Variants in VPS35L observed in about 807,000 individuals in gnomAD.
VPS35L encodes the protein VPS35 endosomal protein sorting factor like.
In VPS35L, 83 loss-of-function variants were observed where a neutral mutation model predicts 133.0. The observed-to-expected ratio is 0.62, with a 90% CI of 0.52 to 0.75. VPS35L has a LOEUF of 0.75. Ranked by LOEUF, VPS35L falls within the 30% of genes least tolerant of loss-of-function variation. The pLI is 0.00. For synonymous variants in VPS35L, 423 were observed against 449.9 expected (o/e 0.94, Z 0.76); for missense variants, 1,083 against 1,206.8 (o/e 0.90, Z 1.52).
chr16:19,618,772 A>G (rs527384100), intron 14 of VPS35L, among the ~76,000 whole-genome samples: 26 of 152,288 alleles, frequency 1.7e-4, no homozygotes, highest in African/African-American at 6.0e-4. Context: ...AAGTCACTGT[A>G]TCTACGGTGC....
chr16:19,581,576 A>G lies in VPS35L; in HGVS notation c.562A>G (p.Ile188Val), dbSNP rs1971709553. The G allele has an allele frequency of 6.2e-7, 1 of 1,614,112 alleles. No individual in the cohort carries two copies. Among genetic ancestry groups the G allele is most frequent in the Non-Finnish European group, 8.5e-7 (1 of 1,179,986 alleles). ...NLTQQDYVNR[I>V]EELNQSLKDA... ...GACTCAGCAGGATTACGTGAACCGC[A>G]TAGAGGAGCTCAACCAATCGCTGAA... The change falls in exon 7 of 31, where the codon ATA (isoleucine) becomes GTA (valine). Residue 188 changes from isoleucine to valine, a missense_variant. Transcript: ENST00000417362.
rs377567357 is a variant in VPS35L, at chr16:19,683,982, A to T, written c.2527+1592A>T. Reference sequence around the variant, plus strand: ...TTTGGATCAGTGTGCTACACAATAAACTGGAACAATGGCTAAATATACACA... The same window carrying T: ...TTTGGATCAGTGTGCTACACAATAATCTGGAACAATGGCTAAATATACACA... On this transcript the variant is annotated intron_variant, in intron 28 of 30. Coordinates refer to ENST00000417362, the MANE Select transcript of VPS35L (RefSeq NM_020314.7). 6.1e-4 allele frequency among the ~76,000 whole-genome samples: 93 copies of T among 152,292 alleles called. 3 individuals carry two copies. The South Asian group carries it at 0.019, about 31-fold the overall frequency.
chr16:19,613,672 G>A (rs181276721), intron 12 of VPS35L, among the ~76,000 whole-genome samples: 1 of 152,230 alleles, frequency 6.6e-6, no homozygotes, highest in East Asian at 1.9e-4. Flanking sequence ...GGATTACCTC[G>A]GGTTGTTTGT....
At chr16:19,556,428 C>T (rs1298408778) in intron 1 of VPS35L, among the ~76,000 whole-genome samples, 1 of 152,118 alleles carries the variant, frequency 6.6e-6, no homozygotes, top group East Asian at 1.9e-4. Flanking sequence ...TGGCGTGTGC[C>T]TGGTTGGCAG....
intron 1 of VPS35L, among the ~76,000 whole-genome samples, chr16:19,560,606 G>A (rs1433604676): frequency 6.6e-6 from 1 of 151,982 alleles, no homozygotes; most frequent in African/African-American, 2.4e-5. Context: ...GACCAGCCTG[G>A]CCAAAATGGT....
chr16:19,647,378 T>C (rs776577763), intron 23 of VPS35L, among the ~76,000 whole-genome samples: 1 of 152,122 alleles, frequency 6.6e-6, no homozygotes, highest in Non-Finnish European at 1.5e-5. Context: ...TTTGAAGAAA[T>C]AGGAGAAGAG....
chr16:19,578,598 G>C (rs1309047565), intron 5 of VPS35L: 1 of 336,496 alleles, frequency 3.0e-6, no homozygotes, highest in Non-Finnish European at 5.8e-6. Flanking sequence ...TCGAAGAGAG[G>C]GCTTTGAAGC....
intron 14 of VPS35L, 65 bp downstream of exon 14, chr16:19,616,873 G>C: frequency 6.2e-7 from 1 of 1,604,984 alleles, no homozygotes; most frequent in Non-Finnish European, 8.5e-7. Flanking sequence ...TGCCCACTGT[G>C]CCCTTTAACG....
intron 8 of VPS35L, among the ~76,000 whole-genome samples, chr16:19,601,305 G>A (rs1972374998): frequency 6.6e-6 from 1 of 152,132 alleles, no homozygotes; most frequent in South Asian, 2.1e-4. Context: ...GTTGTGGAGT[G>A]GCCATGCACA....
chr16:19,697,845 A>G (rs2151632385), intron 29 of VPS35L, among the ~76,000 whole-genome samples: 1 of 152,344 alleles, frequency 6.6e-6, no homozygotes, highest in East Asian at 1.9e-4. Context: ...GAGTACGAGC[A>G]CAGGCTCTGG....
chr16:19,669,004 C>T lies in VPS35L; in HGVS notation c.2222-156C>T, dbSNP rs879082402. 5.9e-5 allele frequency among the ~76,000 whole-genome samples: 9 copies of T among 152,240 alleles called. No individual in the cohort carries two copies. The Middle Eastern group carries it at 9.5e-3, about 161-fold the overall frequency. On this transcript the variant is annotated intron_variant, in intron 26 of 30. Transcript: ENST00000417362. The stretch of plus-strand genomic sequence containing the variant: ...CTGTCAAGCAAATATTCCTCCAGCT[C>T]CATCATGGTTTGCAGAAACCTTCTG...
At chr16:19,652,154 G>C (rs1186617519) in intron 26 of VPS35L, 64 bp downstream of exon 26, 6 of 1,086,986 alleles carry the variant, frequency 5.5e-6, no homozygotes, top group Non-Finnish European at 8.3e-6. Context: ...ACTCAGGTGT[G>C]TGCGTATGTG....
At chr16:19,627,563 T>C (rs936100420) in intron 15 of VPS35L, 131 bp from the exon 16 acceptor site, 2 of 682,236 alleles carry the variant, frequency 2.9e-6, no homozygotes, top group African/African-American at 1.8e-5. Context: ...CTTTTTACTC[T>C]GATTTTTTGT....
At position 19,631,333 on chromosome 16, in the gene VPS35L, G is replaced by T. The variant is rs567473159; in HGVS notation, c.1554+1513G>T. 5.9e-5 allele frequency among the ~76,000 whole-genome samples: 9 copies of T among 152,166 alleles called. No homozygotes were observed. The South Asian group carries it at 1.7e-3, about 28-fold the overall frequency. On this transcript the variant is annotated intron_variant, in intron 18 of 30. Transcript: ENST00000417362. Reference sequence around the variant, plus strand: ...AATCACCATCCAGAGTAAGAAATAGGAAATAAGTGACCCCGCAGAACCCCC... The same window carrying T: ...AATCACCATCCAGAGTAAGAAATAGTAAATAAGTGACCCCGCAGAACCCCC...
chr16:19,569,627 TG>T, intron 3 of VPS35L, 36 bp downstream of exon 3: 1 of 1,504,796 alleles, frequency 6.6e-7, no homozygotes, highest in Non-Finnish European at 8.9e-7. Context: ...CAGTGGGGGT[TG>T]GTTTTGTGGG....
intron 2 of VPS35L, among the ~76,000 whole-genome samples, chr16:19,568,430 T>C (rs1355328083): frequency 3.4e-5 from 5 of 149,200 alleles, no homozygotes; most frequent in Non-Finnish European, 7.4e-5. Context: ...TTTTGAGGCA[T>C]CGTTGCATAG....
chr16:19,670,578 A>C lies in VPS35L; in HGVS notation c.2361+1279A>C, dbSNP rs555944407. ...GAAAGCACTAAGAAGGTGGCGACAA[A>C]GTTCTTTTGATGGCAAATAACAGAA... On this transcript the variant is annotated intron_variant, in intron 27 of 30. Coordinates refer to ENST00000417362, the MANE Select transcript of VPS35L (RefSeq NM_020314.7). Among the ~76,000 whole-genome samples, 11 of 152,336 alleles carry C rather than the reference A, an allele frequency of 7.2e-5. No homozygotes were observed. In the East Asian group the frequency reaches 1.7e-3, roughly 24 times the overall value.
At chr16:19,618,650 AG>A (rs1357937755) in intron 14 of VPS35L, among the ~76,000 whole-genome samples, 4 of 152,170 alleles carry the variant, frequency 2.6e-5, no homozygotes, top group Non-Finnish European at 4.4e-5. Flanking sequence ...CTGTTGTGAT[AG>A]AGTAGGGAGC....
At chr16:19,671,877 T>C (rs1384282080) in intron 27 of VPS35L, among the ~76,000 whole-genome samples, 1 of 152,228 alleles carries the variant, frequency 6.6e-6, no homozygotes, top group Non-Finnish European at 1.5e-5. Flanking sequence ...TAGAGCTTAA[T>C]GTGCATGGGA....
Sources: allele counts gnomAD v4.1 joint callset (sites outside exome capture counted in the v4.1 genomes callset), GRCh38; gene constraint gnomAD v4.1.1; transcripts MANE v1.5; gene names NCBI Gene and HGNC (gene_info 2026-07-23, HGNC 2026-07-21).